AUTS2: variants seen among roughly 807,000 people sequenced by gnomAD.
AUTS2 encodes autism susceptibility gene 2 protein.
AUTS2 carries 17 observed loss-of-function variants against 112.4 expected under a neutral mutation model. That is an observed-to-expected ratio of 0.15 (90% CI 0.10 to 0.23). AUTS2 has a LOEUF of 0.23. Ranked by LOEUF, AUTS2 falls within the 10% of genes least tolerant of loss-of-function variation. The probability of loss-of-function intolerance (pLI) is 1.00; values close to 1 mark genes in which losing one functional copy is unlikely to be tolerated. For missense variants in AUTS2, 1,510 were observed against 1,701.6 expected, an observed-to-expected ratio of 0.89 and a Z score of 1.98; for synonymous variants, 751 against 702.7, an observed-to-expected ratio of 1.07 and a Z score of -1.09.
chr7:70,052,239 A>G lies in AUTS2; in HGVS notation c.523-65893A>G, dbSNP rs930466960. Reference sequence around the variant, plus strand: ...CTACTTTCAGTGGCAGACAGAGTATAATCCATTCATGATAGGGGGTTCCAG... The same window carrying G: ...CTACTTTCAGTGGCAGACAGAGTATGATCCATTCATGATAGGGGGTTCCAG... On this transcript the variant is annotated intron_variant, in intron 2 of 18. Coordinates refer to ENST00000342771, the MANE Select transcript of AUTS2 (RefSeq NM_015570.4). Among the ~76,000 whole-genome samples, 3 of 152,168 alleles carry G rather than the reference A, an allele frequency of 2.0e-5. No individual in the cohort carries two copies. The East Asian group carries it at 5.8e-4, about 29-fold the overall frequency.
chr7:70,531,796 G>A (rs936861927), intron 5 of AUTS2, among the ~76,000 whole-genome samples: 1 of 152,090 alleles, frequency 6.6e-6, no homozygotes, highest in Non-Finnish European at 1.5e-5. Context: ...ACCATATCAA[G>A]GATGAAAGGA....
At chr7:70,082,706 C>G (rs998825826) in intron 2 of AUTS2, among the ~76,000 whole-genome samples, 18 of 152,178 alleles carry the variant, frequency 1.2e-4, no homozygotes, top group Admixed American at 7.9e-4. Flanking sequence ...CTGACTTGGT[C>G]TTCTCTAGTA....
At chr7:70,035,656 T>C (rs1183384245) in intron 2 of AUTS2, among the ~76,000 whole-genome samples, 1 of 152,188 alleles carries the variant, frequency 6.6e-6, no homozygotes, top group Admixed American at 6.5e-5. Flanking sequence ...CTTAGGTCAC[T>C]GGTGCGTGTT....
At chr7:70,729,332 T>A (rs1585583934) in intron 6 of AUTS2, 1 of 363,494 alleles carries the variant, frequency 2.8e-6, no homozygotes, top group East Asian at 7.7e-5. Flanking sequence ...CAAAGACTGG[T>A]AATAGCCTGG....
At chr7:70,148,554 G>GGTTT in intron 4 of AUTS2, among the ~76,000 whole-genome samples, 1 of 151,828 alleles carries the variant, frequency 6.6e-6, no homozygotes, top group African/African-American at 2.4e-5. Flanking sequence ...AGTTATTTAA[G>GGTTT]CAATGACATC....
At chr7:70,154,342 G>A (rs1367521343) in intron 4 of AUTS2, among the ~76,000 whole-genome samples, 2 of 152,168 alleles carry the variant, frequency 1.3e-5, no homozygotes, top group Non-Finnish European at 2.9e-5. Context: ...CCTTTGACTT[G>A]TGTGGAAGGA....
rs576487823 is a variant in AUTS2, at chr7:70,616,451, G to A, written c.691-82118G>A. On this transcript the variant is annotated intron_variant, in intron 5 of 18. Coordinates refer to ENST00000342771, the MANE Select transcript of AUTS2 (RefSeq NM_015570.4). Reference sequence around the variant, plus strand: ...GTACCATTCGGCTTTAACAGCTGACGGGGCTGATGCAGCTGCCCGGTGACA... The same window carrying A: ...GTACCATTCGGCTTTAACAGCTGACAGGGCTGATGCAGCTGCCCGGTGACA... 6.6e-5 allele frequency among the ~76,000 whole-genome samples: 10 copies of A among 152,276 alleles called. No individual in the cohort carries two copies. The East Asian group carries it at 1.7e-3, about 27-fold the overall frequency.
chr7:70,661,168 G>A (rs1248055792), intron 5 of AUTS2, among the ~76,000 whole-genome samples: 1 of 151,780 alleles, frequency 6.6e-6, no homozygotes, highest in Non-Finnish European at 1.5e-5. Flanking sequence ...ACAGGAGAAA[G>A]AAGACCAGGA....
chr7:70,138,216 G>A (rs1584778266), intron 4 of AUTS2, among the ~76,000 whole-genome samples: 2 of 152,176 alleles, frequency 1.3e-5, no homozygotes, highest in Non-Finnish European at 2.9e-5. Flanking sequence ...TATCACATTT[G>A]CTCCTTTCTG....
intron 5 of AUTS2, among the ~76,000 whole-genome samples, chr7:70,619,378 C>A (rs1176264968): frequency 6.6e-6 from 1 of 152,100 alleles, no homozygotes. Flanking sequence ...CGTGCAGCCG[C>A]TTCCTTTTTG....
Position 70,238,530 on chromosome 7 carries a change from C to G in AUTS2, c.660+103959C>G, listed in dbSNP as rs181027720. Among the ~76,000 whole-genome samples the G allele has an allele frequency of 4.3e-3, 655 of 152,278 alleles. 4 individuals are homozygous for G. Among genetic ancestry groups the G allele is most frequent in the South Asian group, 8.7e-3 (42 of 4,816 alleles). ...CTCTAACTTTAAGAGTTCTCTAGAT[C>G]TCACCAGTCTCCCTTTCCTGTCCAA... On this transcript the variant is annotated intron_variant, in intron 4 of 18. Transcript: ENST00000342771.
At chr7:70,704,794 T>C (rs1282062338) in intron 6 of AUTS2, among the ~76,000 whole-genome samples, 3 of 152,252 alleles carry the variant, frequency 2.0e-5, no homozygotes, top group Non-Finnish European at 4.4e-5. Context: ...TTCTGACAAC[T>C]GCAGAAAAAT....
At chr7:70,615,536 G>GA (rs34820489) in intron 5 of AUTS2, among the ~76,000 whole-genome samples, 10 of 148,846 alleles carry the variant, frequency 6.7e-5, no homozygotes, top group South Asian at 2.1e-4. Context: ...TTCAGGCTTA[G>GA]AAAAAAAAAA....
intron 1 of AUTS2, among the ~76,000 whole-genome samples, chr7:69,887,684 C>T (rs2129538532): frequency 6.6e-6 from 1 of 152,266 alleles, no homozygotes; most frequent in South Asian, 2.1e-4. Flanking sequence ...TAATCAGGAT[C>T]AATTTGAAGA....
intron 1 of AUTS2, among the ~76,000 whole-genome samples, chr7:69,787,376 A>G (rs1265973046): frequency 2.0e-5 from 3 of 152,218 alleles, no homozygotes; most frequent in Non-Finnish European, 4.4e-5. Flanking sequence ...TAGTTTTACC[A>G]GAGAGGAGAA....
intron 1 of AUTS2, among the ~76,000 whole-genome samples, chr7:69,604,957 A>C (rs1225371967): frequency 6.6e-6 from 1 of 152,218 alleles, no homozygotes; most frequent in South Asian, 2.1e-4. Context: ...ATCTACCGCC[A>C]AATAGTTTCT....
intron 1 of AUTS2, among the ~76,000 whole-genome samples, chr7:69,700,039 TCA>T (rs1797739453): frequency 6.6e-6 from 1 of 152,334 alleles, no homozygotes; most frequent in African/African-American, 2.4e-5. Flanking sequence ...ATTTTGATAG[TCA>T]CTGCTAAATC....
rs187891272 is a variant in AUTS2 at position 70,170,866 on chromosome 7, A to T, written c.660+36295A>T. Among the ~76,000 whole-genome samples the T allele has an allele frequency of 9.2e-5, 14 of 152,214 alleles. No individual in the cohort carries two copies. In the East Asian group the frequency reaches 2.7e-3, roughly 29 times the overall value. On this transcript the variant is annotated intron_variant, in intron 4 of 18. Coordinates refer to ENST00000342771, the MANE Select transcript of AUTS2 (RefSeq NM_015570.4). Reference sequence around the variant, plus strand: ...CGTGATCCACCTTCCTCGGCCTCCTAGAGTGCTGGGATTACAGGTGTGAGC... The same window carrying T: ...CGTGATCCACCTTCCTCGGCCTCCTTGAGTGCTGGGATTACAGGTGTGAGC...
intron 4 of AUTS2, among the ~76,000 whole-genome samples, chr7:70,190,402 C>T (rs957673772): frequency 6.6e-6 from 1 of 152,172 alleles, no homozygotes; most frequent in East Asian, 1.9e-4. Context: ...CCAGTTGGCT[C>T]ATCTCATCTC....
Sources: allele counts gnomAD v4.1 joint callset (sites outside exome capture counted in the v4.1 genomes callset), GRCh38; gene constraint gnomAD v4.1.1; transcripts MANE v1.5; gene names NCBI Gene and HGNC (gene_info 2026-07-23, HGNC 2026-07-21).